The following FARS2 variants were observed in gnomAD, a reference collection of about 807,000 sequenced individuals.
The protein encoded by FARS2 is phenylalanyl-tRNA synthetase 2, mitochondrial, also known as phenylalanine--tRNA ligase, mitochondrial.
FARS2 carries 40 observed loss-of-function variants against 46.4 expected under a neutral mutation model. That is an observed-to-expected ratio of 0.86 (90% CI 0.67 to 1.12). The LOEUF (loss-of-function observed/expected upper bound fraction) is 1.12. Ranked by LOEUF, FARS2 falls within the 50% of genes most tolerant of loss-of-function variation. The pLI, the probability that FARS2 is intolerant of heterozygous loss-of-function variation, is 0.00. For missense variants in FARS2, 513 were observed against 567.9 expected (o/e 0.90, Z 0.98); for synonymous variants, 234 against 214.9 (o/e 1.09, Z -0.78).
chr6:5,568,591 A>G (rs1772453973), intron 5 of FARS2, among the ~76,000 whole-genome samples: 1 of 152,166 alleles, frequency 6.6e-6, no homozygotes, highest in Non-Finnish European at 1.5e-5. Context: ...AGTGTGAGCA[A>G]AGTCCTGGAG....
chr6:5,341,210 TATATATATATATATATATATATATA>T lies in FARS2; in HGVS notation c.-21-27339_-21-27315del, dbSNP rs1478147107. The stretch of plus-strand genomic sequence containing the variant: ...GGAGATATATATATATATATATATA[TATATATATATATATATATATATATA>T]TTTTTTTTTTTTTTTTTTTTTTCCC... On this transcript the variant is annotated intron_variant, in intron 1 of 6. Coordinates refer to ENST00000274680, the MANE Select transcript of FARS2 (RefSeq NM_006567.5). Among the ~76,000 whole-genome samples the T allele has an allele frequency of 5.6e-3, 28 of 5,000 alleles. 1 individual carries two copies. Among genetic ancestry groups the T allele is most frequent in the South Asian group, 0.033 (5 of 152 alleles). 3.3% of individuals were successfully genotyped at this position (5,000 alleles called of 152,430 possible).
intron 6 of FARS2, among the ~76,000 whole-genome samples, chr6:5,694,048 C>G (rs1757943115): frequency 6.6e-6 from 1 of 152,212 alleles, no homozygotes; most frequent in African/African-American, 2.4e-5. Flanking sequence ...CAAAGCCGCA[C>G]TGGAAGATCA....
chr6:5,302,894 T>C (rs894543392), intron 1 of FARS2, among the ~76,000 whole-genome samples: 1 of 152,130 alleles, frequency 6.6e-6, no homozygotes, highest in African/African-American at 2.4e-5. Context: ...TCATGTTCGA[T>C]GGACAGGGTT....
At chr6:5,253,624 G>T in the FARS2 span, among the ~76,000 whole-genome samples, 4 of 152,104 alleles carry the variant, frequency 2.6e-5, no homozygotes, top group Non-Finnish European at 5.9e-5. Context: ...AAGAAGTTTT[G>T]CAAAGGAGAC....
At chr6:5,656,593 C>G (rs1214375236) in intron 6 of FARS2, among the ~76,000 whole-genome samples, 1 of 84,264 alleles carries the variant, frequency 1.2e-5, no homozygotes, top group African/African-American at 5.1e-5. Context: ...CTCTGTCGCC[C>G]AAGCTGGAGT....
chr6:5,442,885 T>A (rs1389822213), intron 4 of FARS2, among the ~76,000 whole-genome samples: 1 of 152,196 alleles, frequency 6.6e-6, no homozygotes, highest in Non-Finnish European at 1.5e-5. Context: ...TCCATTACTG[T>A]AATAAAAATA....
rs144064677 is a variant in FARS2, at chr6:5,491,805, T to C, written c.905-53375T>C. 1.6e-4 allele frequency among the ~76,000 whole-genome samples: 25 copies of C among 152,340 alleles called. No homozygotes were observed. In the East Asian group the frequency reaches 4.4e-3, roughly 27 times the overall value. Reference sequence around the variant, plus strand: ...ATATCACAGGCTACTGCCACTCTTGTGACACCTCACATGTAAGTATAAAGC... The same window carrying C: ...ATATCACAGGCTACTGCCACTCTTGCGACACCTCACATGTAAGTATAAAGC... On this transcript the variant is annotated intron_variant, in intron 4 of 6. Coordinates refer to ENST00000274680, the MANE Select transcript of FARS2 (RefSeq NM_006567.5).
chr6:5,442,820 A>G (rs200202), intron 4 of FARS2, among the ~76,000 whole-genome samples: 17,435 of 152,052 alleles, frequency 0.11, 1,246 homozygotes, highest in Middle Eastern at 0.16. Flanking sequence ...ATGTCCTCCT[A>G]TGTTTTTTAG....
At chr6:5,441,937 G>A (rs1035559380) in intron 4 of FARS2, among the ~76,000 whole-genome samples, 1 of 151,978 alleles carries the variant, frequency 6.6e-6, no homozygotes, top group Admixed American at 6.6e-5. Flanking sequence ...AGTCTGATAC[G>A]TTTAAAATAG....
intron 4 of FARS2, chr6:5,466,888 C>G (rs1309237048): frequency 2.0e-6 from 2 of 985,272 alleles, no homozygotes; most frequent in Non-Finnish European, 2.4e-6. Flanking sequence ...TTCCTTGAAC[C>G]CATGAGCACA....
chr6:5,693,484 C>G (rs984408368), intron 6 of FARS2, among the ~76,000 whole-genome samples: 2 of 152,188 alleles, frequency 1.3e-5, no homozygotes, highest in African/African-American at 4.8e-5. Context: ...CATTGTTCTG[C>G]AGAAGTTTTG....
intron 4 of FARS2, among the ~76,000 whole-genome samples, chr6:5,448,355 C>G (rs1764292294): frequency 1.3e-5 from 2 of 152,152 alleles, no homozygotes; most frequent in South Asian, 4.1e-4. Flanking sequence ...TGTGTACACT[C>G]TCCCTCCCAC....
At chr6:5,376,615 C>G (rs1163721310) in intron 2 of FARS2, among the ~76,000 whole-genome samples, 3 of 152,128 alleles carry the variant, frequency 2.0e-5, no homozygotes, top group Non-Finnish European at 2.9e-5. Context: ...TAGCAATTAA[C>G]ATAAACGATC....
intron 5 of FARS2, among the ~76,000 whole-genome samples, chr6:5,559,110 G>A (rs2150531440): frequency 6.6e-6 from 1 of 152,186 alleles, no homozygotes; most frequent in East Asian, 1.9e-4. Context: ...TTTTTTTAAA[G>A]AGTAAAAGTG....
At chr6:5,396,738 G>A (rs1208896964) in intron 2 of FARS2, among the ~76,000 whole-genome samples, 1 of 152,210 alleles carries the variant, frequency 6.6e-6, no homozygotes, top group East Asian at 1.9e-4. Flanking sequence ...TGCTACAGCT[G>A]CTGTCAGCAG....
intron 1 of FARS2, chr6:5,291,017 G>A (rs1423307659): frequency 6.6e-6 from 1 of 152,232 alleles, no homozygotes; most frequent in Non-Finnish European, 1.5e-5. Context: ...ACCATGCCTA[G>A]CCTGTGCTAA....
chr6:5,537,691 CA>C (rs1436426068), intron 4 of FARS2, among the ~76,000 whole-genome samples: 1 of 152,226 alleles, frequency 6.6e-6, no homozygotes, highest in Non-Finnish European at 1.5e-5. Context: ...CTTTCCTTTG[CA>C]AATGCTTCCC....
At chr6:5,530,817 T>G (rs1265997626) in intron 4 of FARS2, among the ~76,000 whole-genome samples, 1 of 147,402 alleles carries the variant, frequency 6.8e-6, no homozygotes, top group Non-Finnish European at 1.5e-5. Context: ...TATATCAATA[T>G]ATAAATGGAG....
intron 2 of FARS2, among the ~76,000 whole-genome samples, chr6:5,395,572 A>G (rs1175512422): frequency 6.6e-6 from 1 of 152,122 alleles, no homozygotes; most frequent in Non-Finnish European, 1.5e-5. Flanking sequence ...TCTCTGTACC[A>G]TTACTAGTGA....
Sources: allele counts gnomAD v4.1 joint callset (sites outside exome capture counted in the v4.1 genomes callset), GRCh38; gene constraint gnomAD v4.1.1; transcripts MANE v1.5; gene names NCBI Gene and HGNC (gene_info 2026-07-23, HGNC 2026-07-21).